TENM1: variants seen among roughly 807,000 people sequenced by gnomAD.
The protein encoded by TENM1 is teneurin-1.
TENM1 carries 35 observed loss-of-function variants against 174.8 expected under a neutral mutation model. The ratio of observed to expected loss-of-function variants is 0.20; its 90% CI spans 0.15 to 0.27. TENM1 has a LOEUF of 0.27. TENM1 is among the 10% of genes least tolerant of loss of function. The pLI, the probability that TENM1 is intolerant of heterozygous loss-of-function variation, is 1.00. For synonymous variants in TENM1, 781 were observed against 798.7 expected, an observed-to-expected ratio of 0.98 and a Z score of 0.37; for missense variants, 1,633 against 2,130.1, an observed-to-expected ratio of 0.77 and a Z score of 4.59.
At chrX:124,610,883 T>C (rs755544466) in intron 11 of TENM1, among the ~76,000 whole-genome samples, 1 of 111,535 alleles carries the variant, frequency 9.0e-6, no homozygotes, top group Non-Finnish European at 1.9e-5. Flanking sequence ...TATTTATGCT[T>C]TATAGAGTAG....
At chrX:124,899,000 GAGAAAA>G (rs770229472) in intron 1 of TENM1, among the ~76,000 whole-genome samples, 450 of 111,518 alleles carry the variant, frequency 4.0e-3, no homozygotes, top group Non-Finnish European at 7.6e-3. Context: ...AAAAAGAAAA[GAGAAAA>G]AGTTTCACTT....
intron 3 of TENM1, among the ~76,000 whole-genome samples, chrX:124,738,728 G>T (rs773366899): frequency 2.7e-5 from 3 of 111,730 alleles, no homozygotes; most frequent in African/African-American, 9.8e-5. Flanking sequence ...AAACCTCTGG[G>T]CTCATACTCA....
intron 3 of TENM1, among the ~76,000 whole-genome samples, chrX:124,766,699 G>A (rs749328081): frequency 9.0e-6 from 1 of 111,137 alleles, no homozygotes; most frequent in African/African-American, 3.3e-5. Context: ...GAGTTCTACT[G>A]GAATATTATA....
intron 25 of TENM1, among the ~76,000 whole-genome samples, chrX:124,419,104 T>C (rs2060623498): frequency 8.9e-6 from 1 of 112,076 alleles, no homozygotes; most frequent in African/African-American, 3.2e-5. Context: ...ATTACTCTTA[T>C]TAAGATGGAA....
the TENM1 span, among the ~76,000 whole-genome samples, chrX:125,072,725 T>TA: frequency 2.7e-5 from 3 of 110,613 alleles, no homozygotes; most frequent in African/African-American, 6.5e-5. Context: ...AATAATAAAA[T>TA]AAAAAAAAGA....
exon 5 of TENM1, chrX:124,705,216 G>T (rs748920263): frequency 1.7e-6 from 2 of 1,205,260 alleles, no homozygotes; most frequent in Admixed American, 2.2e-5. Context: ...ACTGAAGATC[G>T]CAGAGGAACC....
At chrX:124,543,830 G>C (rs898925627) in intron 15 of TENM1, among the ~76,000 whole-genome samples, 1 of 112,230 alleles carries the variant, frequency 8.9e-6, no homozygotes. Context: ...ACCATCACAC[G>C]GCACAGAACA....
At chrX:124,389,482 C>T (rs1338122938) in intron 28 of TENM1, among the ~76,000 whole-genome samples, 4 of 112,426 alleles carry the variant, frequency 3.6e-5, no homozygotes, top group Non-Finnish European at 7.5e-5. Context: ...CTGGAAAGAA[C>T]ACAAGGAGAT....
intron 6 of TENM1, among the ~76,000 whole-genome samples, chrX:124,667,270 G>A (rs1475602173): frequency 9.0e-6 from 1 of 111,414 alleles, no homozygotes; most frequent in Non-Finnish European, 1.9e-5. Flanking sequence ...TCTGTTTAAA[G>A]CAGTTGTTAC....
chrX:124,583,615 A>C (rs2049395681), intron 11 of TENM1, among the ~76,000 whole-genome samples: 1 of 111,743 alleles, frequency 8.9e-6, no homozygotes, highest in African/African-American at 3.3e-5. Flanking sequence ...TGGAAACTCT[A>C]AAAAGCAGAG....
intron 23 of TENM1, among the ~76,000 whole-genome samples, chrX:124,450,848 A>G (rs1339710664): frequency 8.9e-6 from 1 of 112,023 alleles, no homozygotes; most frequent in Non-Finnish European, 1.9e-5. Flanking sequence ...GTGACACAAG[A>G]AGGAAATTTG....
At chrX:124,946,475 C>A (rs914106851) in intron 1 of TENM1, among the ~76,000 whole-genome samples, 6 of 111,362 alleles carry the variant, frequency 5.4e-5, no homozygotes, top group African/African-American at 2.0e-4. Context: ...AGGCTGGATT[C>A]TCAGGCTGTC....
chrX:124,389,866 G>A (rs982315652), intron 28 of TENM1, among the ~76,000 whole-genome samples: 1 of 111,979 alleles, frequency 8.9e-6, no homozygotes, highest in Non-Finnish European at 1.9e-5. Flanking sequence ...ATAATTATGC[G>A]TTCTGTAGGT....
At chrX:125,101,513 C>A in the TENM1 span, among the ~76,000 whole-genome samples, 1 of 111,840 alleles carries the variant, frequency 8.9e-6, no homozygotes, top group Non-Finnish European at 1.9e-5. Context: ...AAATAACAGT[C>A]ACTTGGAAAT....
the TENM1 span, among the ~76,000 whole-genome samples, chrX:125,194,952 T>A: frequency 8.9e-6 from 1 of 112,342 alleles, no homozygotes; most frequent in Non-Finnish European, 1.9e-5. Flanking sequence ...TAATTATTCC[T>A]CTACTATAGC....
chrX:124,449,940 C>T (rs2061010370), intron 23 of TENM1, among the ~76,000 whole-genome samples: 1 of 110,684 alleles, frequency 9.0e-6, no homozygotes. Flanking sequence ...GAGTCAATGA[C>T]TAAAGCAAGG....
At chrX:124,452,870 GGGA>G (rs1376382504) in intron 23 of TENM1, among the ~76,000 whole-genome samples, 5 of 69,321 alleles carry the variant, frequency 7.2e-5, no homozygotes. Context: ...GTGGGGTGGG[GGGA>G]GGGGGGAGGG....
chrX:124,546,799 G>T, intron 15 of TENM1, 75 bp downstream of exon 18: 1 of 844,367 alleles, frequency 1.2e-6, no homozygotes. Flanking sequence ...CTGATCCTTA[G>T]AAGATATCTT....
intron 1 of TENM1, among the ~76,000 whole-genome samples, chrX:124,913,762 C>T (rs2057875939): frequency 8.9e-6 from 1 of 111,846 alleles, no homozygotes; most frequent in East Asian, 2.8e-4. Context: ...CAGGCATATG[C>T]TTATACCAAT....
Sources: allele counts gnomAD v4.1 joint callset (sites outside exome capture counted in the v4.1 genomes callset), GRCh38; gene constraint gnomAD v4.1.1; transcripts MANE v1.5; gene names NCBI Gene and HGNC (gene_info 2026-07-23, HGNC 2026-07-21).